Variants in CERS4 observed in about 807,000 individuals in gnomAD.
CERS4 encodes the protein ceramide synthase 4.
In CERS4, 65 loss-of-function variants were observed where a neutral mutation model predicts 51.8. The observed-to-expected ratio is 1.26, with a 90% CI of 1.03 to 1.54. CERS4 has a LOEUF of 1.54. Ranked by LOEUF, CERS4 falls within the 40% of genes most tolerant of loss-of-function variation. The pLI is 0.00. For missense variants in CERS4, 563 were observed against 500.4 expected (o/e 1.13, Z -1.19); for synonymous variants, 228 against 208.4 (o/e 1.09, Z -0.81).
intron 10 of CERS4, among the ~76,000 whole-genome samples, chr19:8,260,416 C>A: frequency 6.8e-6 from 1 of 147,756 alleles, no homozygotes; most frequent in African/African-American, 2.5e-5. Flanking sequence ...CCATGTTGGC[C>A]AGGCTGGACT....
intron 2 of CERS4, chr19:8,240,688 T>C (rs1001169799): frequency 6.6e-6 from 1 of 152,102 alleles, no homozygotes; most frequent in African/African-American, 2.4e-5. Flanking sequence ...ACAAGTCCTG[T>C]ATTTCCAGCT....
intron 2 of CERS4, among the ~76,000 whole-genome samples, chr19:8,248,921 TG>T (rs1221493141): frequency 2.2e-5 from 3 of 135,454 alleles, no homozygotes; most frequent in African/African-American, 2.8e-5. Flanking sequence ...GATGGGTAGA[TG>T]GATGAGTGGA....
At chr19:8,219,421 T>C (rs895470060) in intron 2 of CERS4, among the ~76,000 whole-genome samples, 2 of 152,108 alleles carry the variant, frequency 1.3e-5, no homozygotes, top group African/African-American at 4.8e-5. Context: ...TCCCAACACT[T>C]TGAGAGGCTG....
rs1969444943 is a variant in CERS4, at chr19:8,257,275, A to C, written c.741+198A>C. ...ACCCCCTCTGTCTTCCTGGGTGATGAAGCCCCACCCTTCTTGGCTTCCTTG... is the reference window on the plus strand; with the variant it reads ...ACCCCCTCTGTCTTCCTGGGTGATGCAGCCCCACCCTTCTTGGCTTCCTTG... On this transcript the variant is annotated intron_variant, in intron 9 of 11. Transcript: ENST00000251363. 10 of 587,738 alleles carry C rather than the reference A, an allele frequency of 1.7e-5. No individual in the cohort carries two copies. In the South Asian group the frequency reaches 2.3e-4, roughly 14 times the overall value. The allele number at this position is 587,738 out of a possible 1,614,324, so 36.4% of individuals were successfully genotyped here.
intron 2 of CERS4, among the ~76,000 whole-genome samples, chr19:8,212,994 C>A (rs1967141904): frequency 6.6e-6 from 1 of 151,912 alleles, no homozygotes; most frequent in Admixed American, 6.6e-5. Flanking sequence ...CTGTTCTGTT[C>A]CCCATGCCTT....
chr19:8,246,887 C>T (rs1043351299), intron 2 of CERS4, among the ~76,000 whole-genome samples: 6 of 151,988 alleles, frequency 3.9e-5, no homozygotes, highest in South Asian at 2.1e-4. Flanking sequence ...GGGGGAAGGC[C>T]GGGCGCGGTG....
At chr19:8,261,431 A>G (rs1164999033) in intron 10 of CERS4, 7 of 513,104 alleles carry the variant, frequency 1.4e-5, no homozygotes, top group African/African-American at 3.8e-5. Flanking sequence ...AGCTGAGTTC[A>G]TAAGTACCCG....
chr19:8,230,732 C>G (rs547067700), intron 2 of CERS4, among the ~76,000 whole-genome samples: 1 of 152,278 alleles, frequency 6.6e-6, no homozygotes, highest in East Asian at 1.9e-4. Context: ...AATTTGTTAG[C>G]ACTTTCTTTT....
rs189423098 is a variant in CERS4 at position 8,235,061 on chromosome 19, T to C, written c.-1-16015T>C. On this transcript the variant is annotated intron_variant, in intron 2 of 11. Coordinates refer to ENST00000251363, the MANE Select transcript of CERS4 (RefSeq NM_024552.3). The stretch of plus-strand genomic sequence containing the variant: ...TTCACTCTTGTTGCCCAGACTGGAG[T>C]GCAATGGCAGGATCTCGGCTCACTG... 7.6e-3 allele frequency among the ~76,000 whole-genome samples: 1,087 copies of C among 143,880 alleles called. 19 individuals are homozygous for C. The highest frequency in any genetic ancestry group is 0.026 in the African/African-American group (1,028 of 38,828). 94.4% of individuals were successfully genotyped at this position (143,880 alleles called of 152,430 possible).
At chr19:8,253,168 C>T (rs561245941) in intron 3 of CERS4, among the ~76,000 whole-genome samples, 2 of 152,362 alleles carry the variant, frequency 1.3e-5, no homozygotes, top group South Asian at 2.1e-4. Flanking sequence ...GTGGTGTTGG[C>T]GCGCCCTCTT....
intron 10 of CERS4, among the ~76,000 whole-genome samples, chr19:8,259,700 A>AG (rs1599600704): frequency 6.6e-6 from 1 of 151,966 alleles, no homozygotes; most frequent in African/African-American, 2.4e-5. Flanking sequence ...GCTGGGTTTG[A>AG]GGGGTCTGTG....
Position 8,223,958 on chromosome 19 carries a change from C to T in CERS4, c.-2+13096C>T, listed in dbSNP as rs374167524. Among the ~76,000 whole-genome samples the T allele has an allele frequency of 1.4e-3, 213 of 149,954 alleles. 2 individuals carry two copies. The highest frequency in any genetic ancestry group is 7.4e-3 in the South Asian group (35 of 4,722). ...TACTAAAAATACAAAAAAAATTAGC[C>T]GGGCATCATGGTGCGTGTCTGTAGT... On this transcript the variant is annotated intron_variant, in intron 2 of 11. Transcript: ENST00000251363.
intron 2 of CERS4, among the ~76,000 whole-genome samples, chr19:8,247,732 C>CTT (rs370855290): frequency 0.39 from 50,341 of 129,706 alleles, 10,365 homozygotes; most frequent in East Asian, 0.52. Context: ...ACCTCCGCAT[C>CTT]TTTTTTTTTT....
In CERS4 at chr19:8,261,315, G is replaced by A. The variant is rs925835521; in HGVS notation, c.849-373G>A. On this transcript the variant is annotated intron_variant, in intron 10 of 11. Coordinates refer to ENST00000251363, the MANE Select transcript of CERS4 (RefSeq NM_024552.3). Reference sequence around the variant, plus strand: ...GCCCCACCGCCTGCCTTCCTGACATGAAGCCCCTCCCCTATGAGGTGAGTA... The same window carrying A: ...GCCCCACCGCCTGCCTTCCTGACATAAAGCCCCTCCCCTATGAGGTGAGTA... 9.7e-5 allele frequency: 20 copies of A among 205,192 alleles called. No individual in the cohort carries two copies. The Admixed American group carries it at 1.1e-3, about 11-fold the overall frequency. 12.7% of individuals were successfully genotyped at this position (205,192 alleles called of 1,614,324 possible).
intron 2 of CERS4, among the ~76,000 whole-genome samples, chr19:8,221,454 C>G (rs551876449): frequency 6.6e-6 from 1 of 152,266 alleles, no homozygotes; most frequent in East Asian, 1.9e-4. Flanking sequence ...TGCTGGCTTG[C>G]TCTTTCAGGG....
intron 2 of CERS4, among the ~76,000 whole-genome samples, chr19:8,244,803 T>A (rs1968685062): frequency 6.6e-6 from 1 of 151,840 alleles, no homozygotes; most frequent in Admixed American, 6.6e-5. Context: ...AGTGCTGGGA[T>A]TACAGGGGTG....
chr19:8,245,123 A>ACAAACAAAAAC (rs370968490), intron 2 of CERS4, among the ~76,000 whole-genome samples: 1 of 58,298 alleles, frequency 1.7e-5, no homozygotes, highest in Non-Finnish European at 3.7e-5. Context: ...AAAAAAAAAA[A>ACAAACAAAAAC]AAAAAAAAAA....
chr19:8,248,787 A>G (rs1968907537), intron 2 of CERS4, among the ~76,000 whole-genome samples: 1 of 136,162 alleles, frequency 7.3e-6, no homozygotes, highest in South Asian at 2.4e-4. Context: ...TGGATGGATG[A>G]ATGGGTAGGT....
intron 2 of CERS4, among the ~76,000 whole-genome samples, chr19:8,245,122 A>AAAAACAAAAAAAAACAAACAAAAAC (rs1555777239): frequency 3.9e-5 from 5 of 129,284 alleles, no homozygotes; most frequent in Admixed American, 7.7e-5. Context: ...AAAAAAAAAA[A>AAAAACAAAAAAAAACAAACAAAAAC]AAAAAAAAAA....
Sources: allele counts gnomAD v4.1 joint callset (sites outside exome capture counted in the v4.1 genomes callset), GRCh38; gene constraint gnomAD v4.1.1; transcripts MANE v1.5; gene names NCBI Gene and HGNC (gene_info 2026-07-23, HGNC 2026-07-21).